The following RYR1 variants were observed in gnomAD, a reference collection of about 807,000 sequenced individuals.
The protein encoded by RYR1 is central core disease of muscle.
A neutral mutation model predicts 583.5 loss-of-function variants in RYR1; 342 were observed. The ratio of observed to expected loss-of-function variants is 0.59; its 90% CI spans 0.54 to 0.64. The LOEUF (loss-of-function observed/expected upper bound fraction) is 0.64. Ranked by LOEUF, RYR1 falls within the 30% of genes least tolerant of loss-of-function variation. RYR1 has a pLI of 0.00. For synonymous variants in RYR1, 2,791 were observed against 2,822.5 expected (o/e 0.99, Z 0.35); for missense variants, 6,032 against 6,917.2 (o/e 0.87, Z 4.54).
rs1417066601 is a variant in RYR1 at position 38,543,587 on chromosome 19, A to G, written c.11834A>G (p.Gln3945Arg). Residue 3945 changes from glutamine (Q) to arginine (R), a missense_variant, in exon 86 of 106, where the codon CAG becomes CGG. Physicochemically the swap from Gln to Arg is conservative, Grantham distance 43. This residue lies in a region of RYR1 where 82 missense variants were observed against 139.7 expected (regional missense o/e 0.59). Coordinates refer to ENST00000359596, the MANE Select transcript of RYR1 (RefSeq NM_000540.3). This position sits in a 1 kb window ranked among gnomAD's most constrained non-coding sequence, Gnocchi z 4.4. ...TCGGGCAAGGATGTCATTGAAGAGC[A>G]GGGCAAGAGGAACTTCTCCAAAGCC... ...YYSGKDVIEE[Q>R]GKRNFSKAMS... 1 of 1,614,184 alleles carries G rather than the reference A, an allele frequency of 6.2e-7. No individual in the cohort carries two copies. The highest frequency in any genetic ancestry group is 1.7e-5 in the Admixed American group (1 of 60,034).
Position 38,499,270 on chromosome 19 carries a change from C to A in RYR1, c.7027+27C>A. The A allele has an allele frequency of 6.2e-7, 1 of 1,613,988 alleles. No homozygotes were observed. The highest frequency in any genetic ancestry group is 8.5e-7 in the Non-Finnish European group (1 of 1,179,968). On this transcript the variant is annotated intron_variant, in intron 43 of 105. Coordinates refer to ENST00000359596, the MANE Select transcript of RYR1 (RefSeq NM_000540.3). This position sits in a 1 kb window ranked among gnomAD's most constrained non-coding sequence, Gnocchi z 7.3. ...TGAGGAGGGGGTGGCAGTGGCAGAGCGGGAAGTATGGAGTCACTGGTCACA... is the reference window on the plus strand; with the variant it reads ...TGAGGAGGGGGTGGCAGTGGCAGAGAGGGAAGTATGGAGTCACTGGTCACA...
At position 38,502,560 on chromosome 19, in the gene RYR1, G is replaced by A. The variant is rs761061652; in HGVS notation, c.7668G>A (p.Leu2556=). ...TGGCGCTGAACCGCTACCTGTGCCTGGCCGTGCTGCCGCTCATCACCAAGT... is the reference window on the plus strand; with the variant it reads ...TGGCGCTGAACCGCTACCTGTGCCTAGCCGTGCTGCCGCTCATCACCAAGT... ...MALALNRYLC[L]AVLPLITKCA... The change falls in exon 48 of 106, where the codon CTG becomes CTA. Residue 2556 remains leucine, a synonymous_variant. Coordinates refer to ENST00000359596, the MANE Select transcript of RYR1 (RefSeq NM_000540.3). 18 of 1,611,778 alleles carry A rather than the reference G, an allele frequency of 1.1e-5. No homozygotes were observed. The highest frequency in any genetic ancestry group is 1.6e-4 in the Middle Eastern group (1 of 6,062).
Position 38,485,848 on chromosome 19 carries a change from T to C in RYR1, c.5193T>C (p.Ser1731=), listed in dbSNP as rs767545697. ...GCCGCAGCCGCCGCTCCATGCTCTCTGAATACATCGTGCCCCTCACGCCTG... is the reference window on the plus strand; with the variant it reads ...GCCGCAGCCGCCGCTCCATGCTCTCCGAATACATCGTGCCCCTCACGCCTG... The part of the protein sequence containing the change: ...SACRSRRSML[S]EYIVPLTPET... Residue 1731 remains serine, a synonymous_variant, in exon 34 of 106, where the codon TCT becomes TCC. Transcript: ENST00000359596. The C allele has an allele frequency of 2.5e-6, 4 of 1,613,810 alleles. No homozygotes were observed. Among genetic ancestry groups the C allele is most frequent in the East Asian group, 2.2e-5 (1 of 44,872 alleles).
rs1395234830 is a variant in RYR1 at position 38,580,486 on chromosome 19, G to A, written c.14628G>A (p.Lys4876=). 1.2e-5 allele frequency: 19 copies of A among 1,614,022 alleles called. No homozygotes were observed. The highest frequency in any genetic ancestry group is 1.6e-4 in the Middle Eastern group (1 of 6,084). ...KSEDEDEPDM[K]CDDMMTCYLF... ...AGGATGAGGATGAACCTGACATGAA[G>A]TGTGATGACATGATGACGGTGAGCC... The change falls in exon 101 of 106, where the codon AAG becomes AAA. Residue 4876 remains lysine (K), a synonymous_variant. Transcript: ENST00000359596.
At chr19:38,527,596 A>G (rs1406692359) in intron 72 of RYR1, 51 bp from the exon 73 acceptor site, 1 of 1,611,164 alleles carries the variant, frequency 6.2e-7, no homozygotes, top group East Asian at 2.2e-5. Flanking sequence ...CATCCGGCGG[A>G]CACTGTGGGA....
In RYR1 at chr19:38,477,754, C is replaced by T. The variant is rs534607272; in HGVS notation, c.4338C>T (p.Cys1446=). The T allele has an allele frequency of 2.6e-5, 42 of 1,614,118 alleles. 1 individual carries two copies. In the South Asian group the frequency reaches 3.6e-4, roughly 14 times the overall value. ...VRVFAGQEPS[C]VWAGWVTPDY... is the part of the protein sequence containing the mutation. ...TCTTTGCTGGACAGGAGCCCAGCTGCGTGTGGGCGGGCTGGGTCACCCCTG... is the reference window on the plus strand; with the variant it reads ...TCTTTGCTGGACAGGAGCCCAGCTGTGTGTGGGCGGGCTGGGTCACCCCTG... Residue 1446 remains cysteine, a synonymous_variant, in exon 30 of 106, where the codon TGC becomes TGT. Coordinates refer to ENST00000359596, the MANE Select transcript of RYR1 (RefSeq NM_000540.3).
At chr19:38,586,253 G>T in intron 104 of RYR1, 62 bp downstream of exon 104, 1 of 1,463,366 alleles carries the variant, frequency 6.8e-7, no homozygotes, top group Admixed American at 1.8e-5. Context: ...GCCAGCAGTG[G>T]GGTACTTAGC....
chr19:38,516,053 A>T, intron 64 of RYR1, 34 bp from the exon 65 acceptor site: 2 of 1,540,318 alleles, frequency 1.3e-6, no homozygotes, highest in Non-Finnish European at 1.8e-6. Flanking sequence ...AAAGAGGGGG[A>T]CACGTGGCAG....
intron 12 of RYR1, 93 bp from the exon 13 acceptor site, chr19:38,452,726 G>A: frequency 8.5e-7 from 1 of 1,179,190 alleles, no homozygotes; most frequent in Non-Finnish European, 1.2e-6. Flanking sequence ...AAACGGGTGG[G>A]TCTGGGGGAG....
chr19:38,529,090 C>A, intron 76 of RYR1, 33 bp downstream of exon 76: 1 of 1,609,014 alleles, frequency 6.2e-7, no homozygotes, highest in Non-Finnish European at 8.5e-7. Context: ...CAGAAATGCC[C>A]CCAAGGTCCT....
chr19:38,487,351 TTGTG>T (rs1213542072), intron 34 of RYR1, among the ~76,000 whole-genome samples: 1 of 152,172 alleles, frequency 6.6e-6, no homozygotes, highest in Non-Finnish European at 1.5e-5. Flanking sequence ...TTGGTTTTGT[TTGTG>T]TGTTTGTTTG....
rs919816617 is a variant in RYR1, at chr19:38,512,648, G to A, written c.9472+165G>A. Among the ~76,000 whole-genome samples the A allele has an allele frequency of 4.6e-5, 7 of 152,106 alleles. No homozygotes were observed. Among genetic ancestry groups the A allele is most frequent in the Non-Finnish European group, 5.9e-5 (4 of 68,030 alleles). On this transcript the variant is annotated intron_variant, in intron 63 of 105. Transcript: ENST00000359596. This position sits in a 1 kb window ranked among gnomAD's most constrained non-coding sequence, Gnocchi z 5.1. ...AGGTGGCAAATGAGTTAATGAGGAC[G>A]CGAGCTCAGCAGCTCTAACAAAAGA... is the stretch of plus-strand genomic sequence containing the variant.
chr19:38,586,441 C>T, intron 104 of RYR1, 84 bp from the exon 105 acceptor site: 2 of 1,420,882 alleles, frequency 1.4e-6, no homozygotes, highest in South Asian at 2.3e-5. Flanking sequence ...GGCAACATAG[C>T]AAGACTTCCT....
chr19:38,503,964 A>G (rs1970321519), intron 49 of RYR1, among the ~76,000 whole-genome samples: 1 of 152,174 alleles, frequency 6.6e-6, no homozygotes, highest in Non-Finnish European at 1.5e-5. Flanking sequence ...GTGTAAAGCA[A>G]TACCAGACAC....
intron 83 of RYR1, among the ~76,000 whole-genome samples, 190 bp from the exon 84 acceptor site, chr19:38,537,688 GCT>G (rs1433767526): frequency 6.6e-6 from 1 of 152,272 alleles, no homozygotes; most frequent in Admixed American, 6.5e-5. Flanking sequence ...GATGTCATGG[GCT>G]CTGAGGTCAA....
At chr19:38,485,551 C>A in intron 33 of RYR1, 39 bp from the exon 34 acceptor site, 1 of 1,604,058 alleles carries the variant, frequency 6.2e-7, no homozygotes, top group South Asian at 1.1e-5. Context: ...GCAGGAGGCT[C>A]ATTCATCTGT....
At position 38,500,631 on chromosome 19, in the gene RYR1, C is replaced by T. The variant is rs141959437; in HGVS notation, c.7349C>T (p.Ala2450Val). The change falls in exon 46 of 106, where the codon GCC becomes GTC. Residue 2450 changes from alanine (A) to valine (V), a missense_variant. Transcript: ENST00000359596. The surrounding 1 kb of genome is among the most constrained non-coding windows in gnomAD (Gnocchi z 5.9). ...MHLIQAGKGE[A>V]LRIRAILRSL... The stretch of plus-strand genomic sequence containing the variant: ...CTAATCCAAGCCGGCAAGGGTGAGG[C>T]CCTGCGGATCCGCGCCATCCTCCGC... 10 of 1,613,264 alleles carry T rather than the reference C, an allele frequency of 6.2e-6. No homozygotes were observed. In the African/African-American group the frequency reaches 8.0e-5, roughly 13 times the overall value.
chr19:38,482,918 T>C lies in RYR1; in HGVS notation c.4621-109T>C, dbSNP rs1015743124. 14 of 962,470 alleles carry C rather than the reference T, an allele frequency of 1.5e-5. No homozygotes were observed. In the African/African-American group the frequency reaches 1.9e-4, roughly 13 times the overall value. 59.6% of individuals were successfully genotyped at this position (962,470 alleles called of 1,614,324 possible). Reference sequence around the variant, plus strand: ...GTGACCTCTGAGCCATTTTGGAGCCTCTAACGCCCAGATGAGGACCTACAA... The same window carrying C: ...GTGACCTCTGAGCCATTTTGGAGCCCCTAACGCCCAGATGAGGACCTACAA... On this transcript the variant is annotated intron_variant, in intron 31 of 105. Coordinates refer to ENST00000359596, the MANE Select transcript of RYR1 (RefSeq NM_000540.3).
intron 64 of RYR1, among the ~76,000 whole-genome samples, chr19:38,515,763 T>A (rs958067028): frequency 6.6e-6 from 1 of 151,978 alleles, no homozygotes; most frequent in Admixed American, 6.6e-5. Context: ...GGAGACTGCA[T>A]CTCTACAAAA....
Sources: gnomAD v4.1 joint callset for allele counts (sites outside exome capture counted in the v4.1 genomes callset) on GRCh38, gnomAD v4.1.1 for gene constraint, gnomAD v4.1.1 regional missense constraint, Gnocchi (gnomAD v3.1) non-coding constraint, MANE v1.5 for transcripts, NCBI Gene and HGNC (gene_info 2026-07-23, HGNC 2026-07-21) for gene names.